The following HMGXB3 variants were observed in gnomAD, a reference collection of about 807,000 sequenced individuals.
The protein encoded by HMGXB3 is HMG domain-containing protein 3.
Under a neutral mutation model 121.5 loss-of-function variants are expected in HMGXB3, and 45 were observed. The observed-to-expected ratio is 0.37, with a 90% CI of 0.29 to 0.47. The LOEUF (loss-of-function observed/expected upper bound fraction) is 0.47. Ranked by LOEUF, HMGXB3 falls within the 20% of genes least tolerant of loss-of-function variation. The probability of loss-of-function intolerance (pLI) is 0.99; values close to 1 mark genes in which losing one functional copy is unlikely to be tolerated. For synonymous variants in HMGXB3, 590 were observed against 624.1 expected (o/e 0.95, Z 0.81); for missense variants, 1,376 against 1,602.2 (o/e 0.86, Z 2.41).
In HMGXB3 at chr5:150,052,395, T is replaced by A. The variant is rs766625637; in HGVS notation, c.*203T>A. 1 of 570,654 alleles carries A rather than the reference T, an allele frequency of 1.8e-6. No individual in the cohort carries two copies. Among genetic ancestry groups the A allele is most frequent in the East Asian group, 2.8e-5 (1 of 35,372 alleles). 35.3% of individuals were successfully genotyped at this position (570,654 alleles called of 1,614,324 possible). A position where few individuals can be genotyped will look rare whatever the true frequency, so the allele number is the denominator to read the frequency against. On this transcript the variant is annotated 3_prime_UTR_variant, in exon 20 of 20. Transcript: ENST00000502717. ...TCAACCCTCCAGGGGTCAGGAGTGG[T>A]ACCAGGAAACCTCTTCTGGCCCCGA...
At chr5:150,037,162 A>G (rs1202459896) in intron 12 of HMGXB3, among the ~76,000 whole-genome samples, 1 of 152,174 alleles carries the variant, frequency 6.6e-6, no homozygotes, top group East Asian at 1.9e-4. Context: ...TTACATCTGG[A>G]CTGCCCCACA....
At chr5:150,028,188 T>C (rs946743233) in intron 9 of HMGXB3, among the ~76,000 whole-genome samples, 11 of 152,044 alleles carry the variant, frequency 7.2e-5, no homozygotes, top group South Asian at 2.1e-4. Flanking sequence ...AGGGGACTTA[T>C]AGGTTATAGG....
intron 18 of HMGXB3, 124 bp from the exon 19 acceptor site, chr5:150,050,128 A>C: frequency 2.6e-6 from 2 of 778,880 alleles, no homozygotes; most frequent in Non-Finnish European, 4.3e-6. Flanking sequence ...CTCTGGCAGG[A>C]TGGCCATGGC....
chr5:150,008,131 C>T (rs774603431), intron 3 of HMGXB3, among the ~76,000 whole-genome samples: 5 of 150,934 alleles, frequency 3.3e-5, no homozygotes, highest in African/African-American at 1.2e-4. Flanking sequence ...TGATAAAATC[C>T]TACGTAATCC....
intron 5 of HMGXB3, among the ~76,000 whole-genome samples, chr5:150,012,554 G>T (rs929601520): frequency 6.6e-6 from 1 of 152,182 alleles, no homozygotes; most frequent in Non-Finnish European, 1.5e-5. Context: ...GGGTGAGGGG[G>T]TTGTAGATAG....
intron 5 of HMGXB3, among the ~76,000 whole-genome samples, chr5:150,017,076 G>A (rs1207530771): frequency 6.6e-6 from 1 of 152,176 alleles, no homozygotes; most frequent in Non-Finnish European, 1.5e-5. Context: ...GGAAATTACT[G>A]TTCTTTCATG....
chr5:150,036,729 C>G lies in HMGXB3; in HGVS notation c.2077C>G (p.Leu693Val). 1 of 1,551,626 alleles carries G rather than the reference C, an allele frequency of 6.4e-7. No homozygotes were observed. The highest frequency in any genetic ancestry group is 8.7e-7 in the Non-Finnish European group (1 of 1,147,012). The change falls in exon 12 of 20, where the codon CTG (leucine) becomes GTG (valine). Residue 693 changes from leucine to valine, a missense_variant. Physicochemically the swap from Leu to Val is conservative, Grantham distance 32. Around this residue, in one of 2 missense-constraint regions of HMGXB3, gnomAD observed 1,116 missense variants for 1,369.0 expected, o/e 0.82. Coordinates refer to ENST00000502717, the MANE Select transcript of HMGXB3 (RefSeq NM_014983.3). ...CCAGCGCCAGTCCACACTGCAGCTGCTGCGCAAAGTCCTGCAGATTCCTGA... is the reference window on the plus strand; with the variant it reads ...CCAGCGCCAGTCCACACTGCAGCTGGTGCGCAAAGTCCTGCAGATTCCTGA... ...EIQRQSTLQL[L>V]RKVLQIPENE... is the part of the protein sequence containing the mutation.
chr5:150,022,706 G>A (rs1169380822), intron 6 of HMGXB3, among the ~76,000 whole-genome samples: 1 of 152,056 alleles, frequency 6.6e-6, no homozygotes, highest in East Asian at 1.9e-4. Flanking sequence ...TAAGCTCTGT[G>A]CACTTGACTT....
rs944740575 is a variant in HMGXB3 at position 150,052,234 on chromosome 5, A to AG, written c.*43dup. The AG allele has an allele frequency of 4.8e-6, 7 of 1,447,166 alleles. No homozygotes were observed. Among genetic ancestry groups the AG allele is most frequent in the Non-Finnish European group, 5.6e-6 (6 of 1,073,842 alleles). The allele number at this position is 1,447,166 out of a possible 1,614,324, so 89.6% of individuals were successfully genotyped here. A position where few individuals can be genotyped will look rare whatever the true frequency, so the allele number is the denominator to read the frequency against. Reference sequence around the variant, plus strand: ...GGGACTACACCATCTCTCAAGCCATAGTAAGGCCCTTGCCTGAGGCAGAGC... The same window carrying AG: ...GGGACTACACCATCTCTCAAGCCATAGGTAAGGCCCTTGCCTGAGGCAGAGC... On this transcript the variant is annotated 3_prime_UTR_variant, in exon 20 of 20. Transcript: ENST00000502717.
chr5:150,008,094 C>CACAT (rs1554097365), intron 3 of HMGXB3, among the ~76,000 whole-genome samples: 12,714 of 147,654 alleles, frequency 0.086, 781 homozygotes, highest in Admixed American at 0.21. Flanking sequence ...CACACACACA[C>CACAT]ACACAAATCA....
chr5:150,025,717 A>G (rs535996921), intron 7 of HMGXB3, among the ~76,000 whole-genome samples: 1 of 151,392 alleles, frequency 6.6e-6, no homozygotes, highest in African/African-American at 2.4e-5. Context: ...ACAGGCACGC[A>G]CTACCACACC....
Position 150,052,218 on chromosome 5 carries a change from C to CCAT in HMGXB3, c.*28_*30dup, listed in dbSNP as rs1261792080. Reference sequence around the variant, plus strand: ...GCCAGGCTGTTGTACAGGGACTACACCATCTCTCAAGCCATAGTAAGGCCC... The same window carrying CCAT: ...GCCAGGCTGTTGTACAGGGACTACACCATCATCTCTCAAGCCATAGTAAGGCCC... On this transcript the variant is annotated 3_prime_UTR_variant, in exon 20 of 20. Transcript: ENST00000502717. 1 of 1,488,340 alleles carries CCAT rather than the reference C, an allele frequency of 6.7e-7. No individual in the cohort carries two copies. The highest frequency in any genetic ancestry group is 1.4e-5 in the African/African-American group (1 of 72,040). 92.2% of individuals were successfully genotyped at this position (1,488,340 alleles called of 1,614,324 possible).
intron 6 of HMGXB3, among the ~76,000 whole-genome samples, chr5:150,020,143 G>A (rs1324651294): frequency 6.6e-6 from 1 of 152,090 alleles, no homozygotes; most frequent in Non-Finnish European, 1.5e-5. Context: ...GGCAGTTTCT[G>A]GTACATATTA....
chr5:150,008,458 AAAC>A (rs761306121), intron 3 of HMGXB3, among the ~76,000 whole-genome samples: 6 of 152,234 alleles, frequency 3.9e-5, no homozygotes, highest in Admixed American at 1.3e-4. Context: ...TTAGTAGATT[AAAC>A]ATTCATTGAC....
At chr5:150,046,791 G>A (rs1339179622) in intron 16 of HMGXB3, among the ~76,000 whole-genome samples, 1 of 151,844 alleles carries the variant, frequency 6.6e-6, no homozygotes, top group South Asian at 2.1e-4. Flanking sequence ...CAGCCTGGGC[G>A]ACAGAGCGAG....
At position 150,026,631 on chromosome 5, in the gene HMGXB3, A is replaced by G. The variant is rs1756236416; in HGVS notation, c.1461-75A>G. 3.2e-6 allele frequency: 4 copies of G among 1,262,102 alleles called. No individual in the cohort carries two copies. In the Admixed American group the frequency reaches 9.2e-5, roughly 29 times the overall value. 78.2% of individuals were successfully genotyped at this position (1,262,102 alleles called of 1,614,324 possible). A position where few individuals can be genotyped will look rare whatever the true frequency, so the allele number is the denominator to read the frequency against. On this transcript the variant is annotated intron_variant, in intron 7 of 19. Transcript: ENST00000502717. ...CCCCAATACTATCCTCTAAGAAAGCACTATGTAGAGATTGCGCTTTGGTTT... is the reference window on the plus strand; with the variant it reads ...CCCCAATACTATCCTCTAAGAAAGCGCTATGTAGAGATTGCGCTTTGGTTT...
chr5:150,003,384 C>G (rs1171513228), intron 1 of HMGXB3, among the ~76,000 whole-genome samples: 1 of 151,996 alleles, frequency 6.6e-6, no homozygotes, highest in Non-Finnish European at 1.5e-5. Context: ...AAAAATCTAT[C>G]TCTCAAGTCC....
chr5:150,029,308 A>G (rs1449454336), intron 9 of HMGXB3, among the ~76,000 whole-genome samples: 2 of 148,922 alleles, frequency 1.3e-5, no homozygotes, highest in African/African-American at 2.5e-5. Context: ...TTTTGGCTAT[A>G]TGTAGCTAGA....
In HMGXB3 at chr5:150,051,708, T is replaced by G; in HGVS notation, c.3412-17T>G. 4 of 1,493,378 alleles carry G rather than the reference T, an allele frequency of 2.7e-6. No individual in the cohort carries two copies. Among genetic ancestry groups the G allele is most frequent in the Non-Finnish European group, 3.6e-6 (4 of 1,116,436 alleles). The allele number at this position is 1,493,378 out of a possible 1,614,324, so 92.5% of individuals were successfully genotyped here. On this transcript the variant is annotated splice_polypyrimidine_tract_variant and intron_variant, in intron 19 of 19. Coordinates refer to ENST00000502717, the MANE Select transcript of HMGXB3 (RefSeq NM_014983.3). ...GTCATTCCTTCTTATCAAAATGCAT[T>G]CTCATTTCTCTTCTAGAGTGTGTCC... is the stretch of plus-strand genomic sequence containing the variant.
Sources: allele counts gnomAD v4.1 joint callset (sites outside exome capture counted in the v4.1 genomes callset), GRCh38; gene constraint gnomAD v4.1.1; regional missense constraint gnomAD v4.1.1; transcripts MANE v1.5; gene names NCBI Gene and HGNC (gene_info 2026-07-23, HGNC 2026-07-21).